The following ANAPC10 variants were observed in gnomAD, a reference collection of about 807,000 sequenced individuals.
ANAPC10 encodes the protein anaphase-promoting complex subunit 10.
In ANAPC10, 12 loss-of-function variants were observed where a neutral mutation model predicts 22.0. The ratio of observed to expected loss-of-function variants is 0.55; its 90% CI spans 0.35 to 0.88. The LOEUF (loss-of-function observed/expected upper bound fraction) is 0.88. Among genes scored for constraint, ANAPC10 ranks in the 40% least tolerant of loss-of-function variants. The pLI is 0.01. For missense variants in ANAPC10, 188 were observed against 220.9 expected (o/e 0.85, Z 0.94); for synonymous variants, 65 against 69.5 (o/e 0.94, Z 0.32).
At chr4:145,088,365 C>G (rs1334942132) in intron 2 of ANAPC10, among the ~76,000 whole-genome samples, 1 of 152,188 alleles carries the variant, frequency 6.6e-6, no homozygotes, top group Non-Finnish European at 1.5e-5. Flanking sequence ...CCAGCCTCTA[C>G]AGTCAATTGC....
chr4:145,092,422 C>G (rs1272062027), intron 2 of ANAPC10, among the ~76,000 whole-genome samples: 1 of 152,122 alleles, frequency 6.6e-6, no homozygotes, highest in Non-Finnish European at 1.5e-5. Context: ...AGGAATGGGG[C>G]AGCCCCCATT....
intron 4 of ANAPC10, among the ~76,000 whole-genome samples, chr4:145,015,014 T>C (rs559584682): frequency 6.6e-6 from 1 of 151,960 alleles, no homozygotes; most frequent in African/African-American, 2.4e-5. Context: ...CCTGGTAATA[T>C]GACAAAACAA....
chr4:145,033,644 G>A (rs1236102722), intron 4 of ANAPC10, among the ~76,000 whole-genome samples: 1 of 152,124 alleles, frequency 6.6e-6, no homozygotes, highest in Non-Finnish European at 1.5e-5. Context: ...GCCCAATCCA[G>A]GCAGGACTAC....
At chr4:145,093,409 G>A (rs1244512453) in intron 2 of ANAPC10, among the ~76,000 whole-genome samples, 1 of 151,430 alleles carries the variant, frequency 6.6e-6, no homozygotes, top group Admixed American at 6.6e-5. Flanking sequence ...ATTTATCTCA[G>A]TATCTACTAA....
chr4:145,083,879 A>C (rs1746465365), intron 2 of ANAPC10, among the ~76,000 whole-genome samples: 1 of 152,202 alleles, frequency 6.6e-6, no homozygotes, highest in Non-Finnish European at 1.5e-5. Context: ...ACATTTATTA[A>C]TATTTATATT....
chr4:145,043,421 C>G (rs539686940), intron 4 of ANAPC10, among the ~76,000 whole-genome samples: 1 of 151,998 alleles, frequency 6.6e-6, no homozygotes, highest in Non-Finnish European at 1.5e-5. Flanking sequence ...CATGATAGAA[C>G]AATGGGAAAA....
At position 145,065,333 on chromosome 4, in the gene ANAPC10, C is replaced by T. The variant is rs529740344; in HGVS notation, c.207-641G>A. On this transcript the variant is annotated intron_variant, in intron 3 of 4. Coordinates refer to ENST00000507656, the MANE Select transcript of ANAPC10 (RefSeq NM_001256706.2). The stretch of plus-strand genomic sequence containing the variant: ...GGCCAACAAAACATGAAAATGTGTT[C>T]AACGTCTAATAATCAAAGAAAGAGA... Among the ~76,000 whole-genome samples, 6 of 151,988 alleles carry T rather than the reference C, an allele frequency of 3.9e-5. No homozygotes were observed. In the South Asian group the frequency reaches 1.0e-3, roughly 26 times the overall value.
At chr4:144,996,106 T>C (rs569776074) in intron 4 of ANAPC10, among the ~76,000 whole-genome samples, 2 of 152,276 alleles carry the variant, frequency 1.3e-5, no homozygotes, top group African/African-American at 4.8e-5. Context: ...TCGAGGTAGC[T>C]TGCCCAGGCA....
chr4:145,002,621 T>C (rs1277761822), intron 4 of ANAPC10, among the ~76,000 whole-genome samples: 1 of 152,100 alleles, frequency 6.6e-6, no homozygotes, highest in Non-Finnish European at 1.5e-5. Context: ...TGCATGACAA[T>C]TCTGAATAAA....
intron 4 of ANAPC10, among the ~76,000 whole-genome samples, chr4:145,013,131 T>C (rs1044635272): frequency 1.3e-5 from 2 of 152,192 alleles, no homozygotes; most frequent in African/African-American, 4.8e-5. Flanking sequence ...CAATTAAGTG[T>C]CTTTTCTTTA....
chr4:145,049,773 G>A (rs1261419774), intron 4 of ANAPC10, among the ~76,000 whole-genome samples: 1 of 151,966 alleles, frequency 6.6e-6, no homozygotes, highest in Non-Finnish European at 1.5e-5. Flanking sequence ...TTGTAGAGAT[G>A]GGGGTCTTGT....
intron 2 of ANAPC10, among the ~76,000 whole-genome samples, chr4:145,095,694 C>A (rs1258510949): frequency 6.6e-6 from 1 of 152,152 alleles, no homozygotes; most frequent in Admixed American, 6.5e-5. Context: ...GCGAGAGAGA[C>A]CACTTTCACA....
At position 145,030,319 on chromosome 4, in the gene ANAPC10, C is replaced by T. The variant is rs116067902; in HGVS notation, c.327+34253G>A. Among the ~76,000 whole-genome samples, 1,130 of 152,296 alleles carry T rather than the reference C, an allele frequency of 7.4e-3. 4 individuals carry two copies. Among genetic ancestry groups the T allele is most frequent in the Non-Finnish European group, 0.012 (794 of 68,012 alleles). ...CCCTTGAATGAAGGAGAGGCCAGGTCCCCTTGGGGAAGGACCCCACTACAT... is the reference window on the plus strand; with the variant it reads ...CCCTTGAATGAAGGAGAGGCCAGGTTCCCTTGGGGAAGGACCCCACTACAT... On this transcript the variant is annotated intron_variant, in intron 4 of 4. Transcript: ENST00000507656.
intron 3 of ANAPC10, among the ~76,000 whole-genome samples, chr4:145,069,182 C>G (rs1744129071): frequency 1.3e-5 from 2 of 152,268 alleles, no homozygotes; most frequent in Admixed American, 1.3e-4. Context: ...TGCTGAGCAA[C>G]AGGCAGCACA....
intron 4 of ANAPC10, among the ~76,000 whole-genome samples, chr4:145,052,670 C>A (rs569788019): frequency 6.6e-6 from 1 of 151,920 alleles, no homozygotes; most frequent in Non-Finnish European, 1.5e-5. Context: ...GAGGCTCAGG[C>A]GGGCACAGAT....
rs188209687 is a variant in ANAPC10, at chr4:145,091,167, C to T, written c.115+4818G>A. Among the ~76,000 whole-genome samples the T allele has an allele frequency of 1.2e-4, 18 of 152,348 alleles. No individual in the cohort carries two copies. The East Asian group carries it at 1.7e-3, about 15-fold the overall frequency. On this transcript the variant is annotated intron_variant, in intron 2 of 4. Transcript: ENST00000507656. Reference sequence around the variant, plus strand: ...ATTTTTAAGTGATCCTGCCACTCCTCTAGTAGCAGTAACTATTGATCTCTT... The same window carrying T: ...ATTTTTAAGTGATCCTGCCACTCCTTTAGTAGCAGTAACTATTGATCTCTT...
chr4:145,016,056 G>T (rs1390430028), intron 4 of ANAPC10, among the ~76,000 whole-genome samples: 2 of 152,154 alleles, frequency 1.3e-5, no homozygotes, highest in Non-Finnish European at 2.9e-5. Context: ...TTGAAAACTG[G>T]CACGAGACAG....
In ANAPC10 at chr4:145,055,767, T is replaced by C. The variant is rs111582186; in HGVS notation, c.327+8805A>G. ...ACCAGGGCCTGGAGAAGGGGGAAACTGGGAGTTGTTATTTAATGACTATGA... is the reference window on the plus strand; with the variant it reads ...ACCAGGGCCTGGAGAAGGGGGAAACCGGGAGTTGTTATTTAATGACTATGA... On this transcript the variant is annotated intron_variant, in intron 4 of 4. Transcript: ENST00000507656. Among the ~76,000 whole-genome samples the C allele has an allele frequency of 3.3e-3, 502 of 152,080 alleles. 1 individual carries two copies. Among genetic ancestry groups the C allele is most frequent in the Non-Finnish European group, 5.0e-3 (337 of 67,956 alleles).
intron 4 of ANAPC10, among the ~76,000 whole-genome samples, chr4:145,014,391 A>T (rs1241909279): frequency 6.6e-6 from 1 of 151,916 alleles, no homozygotes; most frequent in Non-Finnish European, 1.5e-5. Context: ...AACTCCATTG[A>T]CCTGGGAACC....
Sources: allele counts gnomAD v4.1 joint callset (sites outside exome capture counted in the v4.1 genomes callset), GRCh38; gene constraint gnomAD v4.1.1; transcripts MANE v1.5; gene names NCBI Gene and HGNC (gene_info 2026-07-23, HGNC 2026-07-21).